Variants in FCHSD2 observed in about 807,000 individuals in gnomAD.
FCHSD2 encodes the protein F-BAR and double SH3 domains protein 2.
FCHSD2 carries 38 observed loss-of-function variants against 108.1 expected under a neutral mutation model. The observed-to-expected ratio is 0.35, with a 90% CI of 0.27 to 0.46. The LOEUF (loss-of-function observed/expected upper bound fraction) is 0.46. Among genes scored for constraint, FCHSD2 ranks in the 20% least tolerant of loss-of-function variants. FCHSD2 has a pLI of 1.00. For synonymous variants in FCHSD2, 279 were observed against 314.7 expected (o/e 0.89, Z 1.20); for missense variants, 751 against 897.8 (o/e 0.84, Z 2.09).
intron 10 of FCHSD2, among the ~76,000 whole-genome samples, chr11:72,896,004 T>C (rs996804863): frequency 2.0e-5 from 3 of 152,228 alleles, no homozygotes; most frequent in Non-Finnish European, 4.4e-5. Context: ...TGTAGACTTT[T>C]ATAGACAAGG....
intron 8 of FCHSD2, among the ~76,000 whole-genome samples, chr11:72,979,598 A>G (rs1322963765): frequency 6.6e-6 from 1 of 152,224 alleles, no homozygotes; most frequent in Non-Finnish European, 1.5e-5. Flanking sequence ...ATGGACTCCA[A>G]TGTTTCAATG....
At chr11:73,052,932 C>T (rs569012854) in intron 3 of FCHSD2, among the ~76,000 whole-genome samples, 2 of 152,132 alleles carry the variant, frequency 1.3e-5, no homozygotes, top group African/African-American at 4.8e-5. Context: ...CTGCAACCAC[C>T]GCCTCCTAGG....
At chr11:72,939,588 G>A (rs986737688) in intron 8 of FCHSD2, among the ~76,000 whole-genome samples, 10 of 149,084 alleles carry the variant, frequency 6.7e-5, no homozygotes, top group African/African-American at 2.0e-4. Context: ...CTATGAAGAC[G>A]GTTGATGGCT....
At chr11:72,974,991 A>C (rs1354411199) in intron 8 of FCHSD2, among the ~76,000 whole-genome samples, 1 of 152,228 alleles carries the variant, frequency 6.6e-6, no homozygotes, top group African/African-American at 2.4e-5. Context: ...CAAAATAAAA[A>C]AGATGAGTTA....
At chr11:72,972,116 AAT>A (rs1857017934) in intron 8 of FCHSD2, among the ~76,000 whole-genome samples, 1 of 152,100 alleles carries the variant, frequency 6.6e-6, no homozygotes, top group South Asian at 2.1e-4. Flanking sequence ...CACCCTATAC[AAT>A]ACTCTCGTTA....
intron 2 of FCHSD2, among the ~76,000 whole-genome samples, chr11:73,121,656 C>CAA (rs1323442733): frequency 1.6e-5 from 2 of 127,684 alleles, no homozygotes; most frequent in African/African-American, 2.9e-5. Flanking sequence ...TGTTAAGGGC[C>CAA]AAAAAAAAAA....
intron 3 of FCHSD2, among the ~76,000 whole-genome samples, chr11:73,063,163 C>T (rs1308386929): frequency 6.6e-6 from 1 of 152,124 alleles, no homozygotes; most frequent in East Asian, 1.9e-4. Context: ...AATTTTCAAC[C>T]CAGAATTTCA....
At chr11:72,934,586 G>A (rs768696387) in intron 8 of FCHSD2, among the ~76,000 whole-genome samples, 6 of 152,104 alleles carry the variant, frequency 3.9e-5, no homozygotes, top group South Asian at 4.2e-4. Context: ...CACTTGCCTC[G>A]GCCTCCCAAA....
Position 73,142,099 on chromosome 11 carries a change from G to T in FCHSD2, c.-222C>A. ...CGAGGGAGGAGCACCGGGAAGGCTT[G>T]GGGCCCGGGCGGCCCGGGCGGCCCG... On this transcript the variant is annotated 5_prime_UTR_variant, in exon 1 of 20. Transcript: ENST00000409418. 1 of 470,678 alleles carries T rather than the reference G, an allele frequency of 2.1e-6. No individual in the cohort carries two copies. The highest frequency in any genetic ancestry group is 3.7e-6 in the Non-Finnish European group (1 of 266,716). 29.2% of individuals were successfully genotyped at this position (470,678 alleles called of 1,614,324 possible).
At chr11:72,981,176 C>G (rs1386898991) in intron 8 of FCHSD2, among the ~76,000 whole-genome samples, 1 of 152,052 alleles carries the variant, frequency 6.6e-6, no homozygotes, top group Non-Finnish European at 1.5e-5. Flanking sequence ...AGTATGTTTT[C>G]TCATTTTTAA....
intron 2 of FCHSD2, among the ~76,000 whole-genome samples, chr11:73,126,499 T>G (rs972902498): frequency 1.5e-4 from 23 of 152,134 alleles, no homozygotes; most frequent in Admixed American, 9.8e-4. Flanking sequence ...TTAATACTTG[T>G]ACATATTAGA....
chr11:72,962,266 T>C (rs1390161968), intron 8 of FCHSD2, among the ~76,000 whole-genome samples: 1 of 152,232 alleles, frequency 6.6e-6, no homozygotes, highest in Non-Finnish European at 1.5e-5. Flanking sequence ...TATAGTTTTC[T>C]AGAGGCTGAA....
chr11:72,854,773 T>C (rs180982227), intron 13 of FCHSD2, among the ~76,000 whole-genome samples: 2 of 152,336 alleles, frequency 1.3e-5, no homozygotes, highest in East Asian at 3.9e-4. Flanking sequence ...AGAATGGTGA[T>C]TGTCAGAGGC....
chr11:73,020,069 C>T (rs1423540766), intron 3 of FCHSD2, among the ~76,000 whole-genome samples: 1 of 152,166 alleles, frequency 6.6e-6, no homozygotes, highest in African/African-American at 2.4e-5. Flanking sequence ...AGAGCAGTGG[C>T]TTCCATAAAG....
chr11:73,127,491 AC>A (rs1308976881), intron 2 of FCHSD2, among the ~76,000 whole-genome samples: 1 of 152,222 alleles, frequency 6.6e-6, no homozygotes, highest in Non-Finnish European at 1.5e-5. Context: ...AAAGCCAAGA[AC>A]ACGAGCCAGA....
chr11:72,841,525 G>A lies in FCHSD2; in HGVS notation c.1985C>T (p.Pro662Leu). The A allele has an allele frequency of 6.2e-7, 1 of 1,611,674 alleles. No homozygotes were observed. The highest frequency in any genetic ancestry group is 8.5e-7 in the Non-Finnish European group (1 of 1,179,074). Residue 662 changes from proline (P) to leucine (L), a missense_variant, in exon 18 of 20, where the codon CCT becomes CTT. By Grantham distance (98) the Pro-to-Leu change is moderately conservative (BLOSUM62 -3). Coordinates refer to ENST00000409418, the MANE Select transcript of FCHSD2 (RefSeq NM_014824.3). ...SLPPLPLYDQ[P>L]PSSPYPSPDK... ...TGGGCTGGGGTAGGGGCTGCTGGGA[G>A]GCTGGTCGTACAACGGCAGTGGAGG...
chr11:73,039,781 G>A (rs1489466741), intron 3 of FCHSD2, among the ~76,000 whole-genome samples: 2 of 152,106 alleles, frequency 1.3e-5, no homozygotes, highest in Non-Finnish European at 2.9e-5. Context: ...CTTTTTTGAT[G>A]ACTTTAAGTG....
intron 8 of FCHSD2, among the ~76,000 whole-genome samples, chr11:72,948,437 G>A (rs907460986): frequency 6.6e-6 from 1 of 152,016 alleles, no homozygotes; most frequent in African/African-American, 2.4e-5. Flanking sequence ...CAAGCATGTA[G>A]ACAAATATCA....
At chr11:72,909,728 C>T (rs1416161446) in intron 9 of FCHSD2, among the ~76,000 whole-genome samples, 2 of 150,128 alleles carry the variant, frequency 1.3e-5, no homozygotes, top group African/African-American at 4.9e-5. Context: ...CTGGCCGCCA[C>T]CCCGTCTGGT....
Sources: gnomAD v4.1 joint callset for allele counts (sites outside exome capture counted in the v4.1 genomes callset) on GRCh38, gnomAD v4.1.1 for gene constraint, MANE v1.5 for transcripts, NCBI Gene and HGNC (gene_info 2026-07-23, HGNC 2026-07-21) for gene names.